Variants in SORT1 observed in about 807,000 individuals in gnomAD.
SORT1 encodes the protein sortilin.
A neutral mutation model predicts 101.7 loss-of-function variants in SORT1; 39 were observed. The ratio of observed to expected loss-of-function variants is 0.38; its 90% CI spans 0.30 to 0.50. The LOEUF (loss-of-function observed/expected upper bound fraction) is 0.50. SORT1 is among the 20% of genes least tolerant of loss of function. SORT1 has a pLI of 0.90. For synonymous variants in SORT1, 396 were observed against 393.7 expected, an observed-to-expected ratio of 1.01 and a Z score of -0.07; for missense variants, 878 against 1,040.4, an observed-to-expected ratio of 0.84 and a Z score of 2.15.
At chr1:109,374,903 G>C (rs1483027475) in intron 1 of SORT1, among the ~76,000 whole-genome samples, 1 of 152,166 alleles carries the variant, frequency 6.6e-6, no homozygotes, top group East Asian at 1.9e-4. Context: ...AGGCTGTATT[G>C]AGCCAAGATT....
intron 5 of SORT1, 55 bp from the exon 6 acceptor site, chr1:109,351,057 T>G: frequency 8.9e-7 from 1 of 1,120,252 alleles, no homozygotes; most frequent in Non-Finnish European, 1.4e-6. Context: ...TGTAGTTGCT[T>G]GTATGACCTT....
At chr1:109,357,712 T>C (rs1374349783) in intron 3 of SORT1, among the ~76,000 whole-genome samples, 1 of 152,172 alleles carries the variant, frequency 6.6e-6, no homozygotes, top group Non-Finnish European at 1.5e-5. Flanking sequence ...CCTGATAATA[T>C]GCTGAAACAA....
Position 109,347,227 on chromosome 1 carries a change from CATA to C in SORT1, c.832+253_832+255del, listed in dbSNP as rs576187678. 2.4e-3 allele frequency among the ~76,000 whole-genome samples: 366 copies of C among 152,324 alleles called. 2 individuals are homozygous for C. The highest frequency in any genetic ancestry group is 8.5e-3 in the African/African-American group (355 of 41,560). The stretch of plus-strand genomic sequence containing the variant: ...CATTTCAATTTGCTATTGTCTGTAG[CATA>C]ATATTTGCTTTACATAAATACATTG... On this transcript the variant is annotated intron_variant, in intron 7 of 19. Coordinates refer to ENST00000256637, the MANE Select transcript of SORT1 (RefSeq NM_002959.7).
At chr1:109,377,474 G>C (rs527508050) in intron 1 of SORT1, among the ~76,000 whole-genome samples, 1 of 152,160 alleles carries the variant, frequency 6.6e-6, no homozygotes, top group East Asian at 1.9e-4. Flanking sequence ...GTAAATAATG[G>C]CTGAATAGCG....
intron 6 of SORT1, among the ~76,000 whole-genome samples, chr1:109,349,358 T>A (rs1649817093): frequency 6.6e-6 from 1 of 151,176 alleles, no homozygotes; most frequent in African/African-American, 2.4e-5. Flanking sequence ...AAAAAAAAAA[T>A]TCCTTCCTTC....
At chr1:109,345,693 C>T in intron 8 of SORT1, 58 bp downstream of exon 8, 1 of 1,485,336 alleles carries the variant, frequency 6.7e-7, no homozygotes, top group South Asian at 1.2e-5. Flanking sequence ...TAAAGAGAAT[C>T]TATACGAGAG....
intron 13 of SORT1, 128 bp from the exon 14 acceptor site, chr1:109,325,217 G>A: frequency 2.4e-6 from 1 of 421,284 alleles, no homozygotes; most frequent in East Asian, 3.7e-5. Flanking sequence ...CTTATTGGCT[G>A]ACAATTATTT....
intron 11 of SORT1, among the ~76,000 whole-genome samples, chr1:109,332,793 C>T (rs12046539): frequency 0.7 from 105,747 of 152,058 alleles, 37,357 homozygotes; most frequent in East Asian, 0.96. Flanking sequence ...ATAGAGAGCA[C>T]AGAAATAAAT....
intron 13 of SORT1, among the ~76,000 whole-genome samples, chr1:109,326,480 CACACATATATAT>C (rs1648059388): frequency 1.7e-5 from 2 of 114,504 alleles, no homozygotes; most frequent in African/African-American, 6.4e-5. Flanking sequence ...CACACACACA[CACACATATATAT>C]ACACACATAT....
At chr1:109,369,133 C>T (rs1488540640) in intron 2 of SORT1, among the ~76,000 whole-genome samples, 3 of 152,110 alleles carry the variant, frequency 2.0e-5, no homozygotes, top group African/African-American at 7.2e-5. Context: ...CCAGCCTGGC[C>T]AACATGGTGA....
At chr1:109,336,392 C>A in intron 10 of SORT1, 46 bp from the exon 11 acceptor site, 1 of 1,227,604 alleles carries the variant, frequency 8.1e-7, no homozygotes, top group East Asian at 2.3e-5. Context: ...CTGGAAGTAC[C>A]TAGGTTAGAT....
At chr1:109,330,261 A>G (rs1260611916) in intron 11 of SORT1, among the ~76,000 whole-genome samples, 3 of 152,122 alleles carry the variant, frequency 2.0e-5, no homozygotes, top group African/African-American at 7.2e-5. Flanking sequence ...CCAAAGTGCA[A>G]GGATTATAGG....
At chr1:109,381,441 G>A (rs936994232) in intron 1 of SORT1, among the ~76,000 whole-genome samples, 10 of 151,958 alleles carry the variant, frequency 6.6e-5, no homozygotes, top group South Asian at 2.1e-4. Flanking sequence ...AAGAAGAAAC[G>A]TTTAAAAAAA....
rs1298099805 is a variant in SORT1 at position 109,327,611 on chromosome 1, G to A, written c.1372-10C>T. 2.6e-6 allele frequency: 4 copies of A among 1,515,740 alleles called. No homozygotes were observed. Among genetic ancestry groups the A allele is most frequent in the Non-Finnish European group, 2.7e-6 (3 of 1,116,220 alleles). 93.9% of individuals were successfully genotyped at this position (1,515,740 alleles called of 1,614,324 possible). On this transcript the variant is annotated splice_polypyrimidine_tract_variant and intron_variant, in intron 11 of 19. Transcript: ENST00000256637. Reference sequence around the variant, plus strand: ...GAATATGAAGGCTGCACTGTGAAAAGAAACAAAAGCGTAGATTAGAACCAA... The same window carrying A: ...GAATATGAAGGCTGCACTGTGAAAAAAAACAAAAGCGTAGATTAGAACCAA...
intron 1 of SORT1, among the ~76,000 whole-genome samples, chr1:109,370,011 G>A (rs1651389195): frequency 6.6e-6 from 1 of 152,222 alleles, no homozygotes; most frequent in Non-Finnish European, 1.5e-5. Flanking sequence ...ATCCTTTACA[G>A]TATAGCTGAA....
chr1:109,316,669 C>CTTAT (rs1283953240), intron 17 of SORT1, among the ~76,000 whole-genome samples, 181 bp downstream of exon 17: 2 of 152,182 alleles, frequency 1.3e-5, no homozygotes, highest in African/African-American at 4.8e-5. Context: ...GTAGGGTGAG[C>CTTAT]TTATCACTGG....
At chr1:109,354,924 C>T (rs868520076) in intron 4 of SORT1, among the ~76,000 whole-genome samples, 1 of 151,982 alleles carries the variant, frequency 6.6e-6, no homozygotes, top group Non-Finnish European at 1.5e-5. Context: ...CTTATATGAT[C>T]GATATTAAAT....
chr1:109,393,126 C>T (rs535687499), intron 1 of SORT1: 2 of 985,482 alleles, frequency 2.0e-6, no homozygotes, highest in East Asian at 1.1e-4. Flanking sequence ...ACACTCAGTC[C>T]TGTCAGCTTG....
chr1:109,344,587 A>G (rs1435638006), intron 8 of SORT1, among the ~76,000 whole-genome samples: 2 of 152,220 alleles, frequency 1.3e-5, no homozygotes, highest in African/African-American at 4.8e-5. Context: ...GGTCTCAGAG[A>G]GCCCATCCTA....
Sources: allele counts gnomAD v4.1 joint callset (sites outside exome capture counted in the v4.1 genomes callset), GRCh38; gene constraint gnomAD v4.1.1; transcripts MANE v1.5; gene names NCBI Gene and HGNC (gene_info 2026-07-23, HGNC 2026-07-21).